The following FOXP2 variants were observed in gnomAD, a reference collection of about 807,000 sequenced individuals.
FOXP2 encodes forkhead box protein P2.
In FOXP2, 12 loss-of-function variants were observed where a neutral mutation model predicts 115.8. The ratio of observed to expected loss-of-function variants is 0.10; its 90% CI spans 0.07 to 0.17. FOXP2 has a LOEUF of 0.17. FOXP2 is among the 10% of genes least tolerant of loss of function. The pLI is 1.00. For synonymous variants in FOXP2, 328 were observed against 297.7 expected (o/e 1.10, Z -1.05); for missense variants, 629 against 843.5 (o/e 0.75, Z 3.15).
chr7:114,184,283 A>G (rs1284754378), intron 1 of FOXP2, among the ~76,000 whole-genome samples: 3 of 152,074 alleles, frequency 2.0e-5, no homozygotes, highest in African/African-American at 4.8e-5. Context: ...TTTCTTTCCT[A>G]TTATAATACT....
At chr7:114,512,847 G>A (rs1165570309) in intron 2 of FOXP2, among the ~76,000 whole-genome samples, 1 of 152,086 alleles carries the variant, frequency 6.6e-6, no homozygotes, top group Non-Finnish European at 1.5e-5. Flanking sequence ...ACTTTGGGAG[G>A]CAGAGGCAGG....
At chr7:114,470,046 T>A (rs1795979958) in intron 2 of FOXP2, among the ~76,000 whole-genome samples, 1 of 152,176 alleles carries the variant, frequency 6.6e-6, no homozygotes, top group African/African-American at 2.4e-5. Context: ...AATTTCAATA[T>A]AATTTTGTAT....
chr7:114,331,256 C>G (rs1797705288), intron 2 of FOXP2, among the ~76,000 whole-genome samples: 1 of 152,076 alleles, frequency 6.6e-6, no homozygotes, highest in Non-Finnish European at 1.5e-5. Context: ...AAATATACTA[C>G]CTGAGCCTGT....
intron 3 of FOXP2, among the ~76,000 whole-genome samples, chr7:114,616,572 A>G (rs1803963722): frequency 6.6e-6 from 1 of 152,152 alleles, no homozygotes; most frequent in South Asian, 2.1e-4. Context: ...AGCACAGTGA[A>G]TTTCAGGGGT....
intron 2 of FOXP2, among the ~76,000 whole-genome samples, chr7:114,309,110 A>G (rs1383097308): frequency 6.6e-6 from 1 of 152,202 alleles, no homozygotes; most frequent in African/African-American, 2.4e-5. Flanking sequence ...AGCAGAGAGC[A>G]GGTTTGTTCA....
intron 1 of FOXP2, chr7:114,088,156 T>C (rs914427890): frequency 3.1e-4 from 46 of 149,450 alleles, no homozygotes; most frequent in African/African-American, 6.9e-4. Flanking sequence ...CTTTTTTTTT[T>C]CCCCACCACA....
chr7:114,581,358 A>G (rs1801860974), intron 3 of FOXP2, among the ~76,000 whole-genome samples: 1 of 151,504 alleles, frequency 6.6e-6, no homozygotes, highest in Non-Finnish European at 1.5e-5. Context: ...TAATTATTGT[A>G]TTTTTTGTAG....
chr7:114,200,310 A>G (rs1487662650), intron 1 of FOXP2, among the ~76,000 whole-genome samples: 1 of 152,172 alleles, frequency 6.6e-6, no homozygotes, highest in East Asian at 1.9e-4. Context: ...ATTCTTTCCA[A>G]TCTTTTTTTT....
chr7:114,462,390 A>G (rs1391364122), intron 2 of FOXP2, among the ~76,000 whole-genome samples: 1 of 73,026 alleles, frequency 1.4e-5, no homozygotes, highest in Non-Finnish European at 2.7e-5. Context: ...TTTTTTTTTT[A>G]AGACAGAGTC....
intron 2 of FOXP2, among the ~76,000 whole-genome samples, chr7:114,354,972 T>A (rs765207862): frequency 6.6e-6 from 1 of 152,202 alleles, no homozygotes; most frequent in Non-Finnish European, 1.5e-5. Flanking sequence ...CTGTTTTCAA[T>A]ACTGAATTCT....
intron 2 of FOXP2, among the ~76,000 whole-genome samples, chr7:114,306,310 C>T (rs1319416309): frequency 6.6e-6 from 1 of 152,110 alleles, no homozygotes; most frequent in Non-Finnish European, 1.5e-5. Context: ...CCAAGTGCTG[C>T]AGGGGTGATA....
chr7:114,507,530 A>G (rs1365844138), intron 2 of FOXP2, among the ~76,000 whole-genome samples: 1 of 151,960 alleles, frequency 6.6e-6, no homozygotes, highest in African/African-American at 2.4e-5. Flanking sequence ...AAATAAACAA[A>G]TTAGGAAATT....
At chr7:114,355,702 T>C (rs189774944) in intron 2 of FOXP2, among the ~76,000 whole-genome samples, 1 of 152,234 alleles carries the variant, frequency 6.6e-6, no homozygotes, top group East Asian at 1.9e-4. Context: ...AAACCTGATT[T>C]TGTGTGTCTG....
chr7:114,609,565 C>G (rs1563031682), intron 3 of FOXP2, among the ~76,000 whole-genome samples: 2 of 152,150 alleles, frequency 1.3e-5, no homozygotes, highest in Non-Finnish European at 2.9e-5. Flanking sequence ...TATAGAATGT[C>G]TTTTCTATGC....
chr7:114,269,948 T>C (rs1158576405), intron 1 of FOXP2, among the ~76,000 whole-genome samples: 3 of 152,210 alleles, frequency 2.0e-5, no homozygotes, highest in African/African-American at 7.2e-5. Flanking sequence ...TTCTTAACTG[T>C]CTTGCTTTAT....
At chr7:114,106,770 G>T (rs946196722) in intron 1 of FOXP2, among the ~76,000 whole-genome samples, 2 of 151,964 alleles carry the variant, frequency 1.3e-5, no homozygotes, top group East Asian at 3.8e-4. Context: ...GTTTATTCAT[G>T]AAGTTCTCTG....
intron 3 of FOXP2, among the ~76,000 whole-genome samples, chr7:114,599,624 G>T (rs982741025): frequency 6.6e-6 from 1 of 151,956 alleles, no homozygotes; most frequent in Non-Finnish European, 1.5e-5. Flanking sequence ...TAATGTTCTT[G>T]TATTTTAATG....
intron 1 of FOXP2, among the ~76,000 whole-genome samples, chr7:114,144,437 C>T (rs1792307780): frequency 1.3e-5 from 2 of 152,126 alleles, no homozygotes; most frequent in South Asian, 4.1e-4. Flanking sequence ...GTTAGTATTA[C>T]ATTGGATGAC....
intron 3 of FOXP2, among the ~76,000 whole-genome samples, chr7:114,559,888 T>TAAAAA (rs56799708): frequency 6.8e-6 from 1 of 147,812 alleles, no homozygotes. Flanking sequence ...GATTCCATCT[T>TAAAAA]AAAAAAAAAA....
Sources: allele counts gnomAD v4.1 joint callset (sites outside exome capture counted in the v4.1 genomes callset), GRCh38; gene constraint gnomAD v4.1.1; transcripts MANE v1.5; gene names NCBI Gene and HGNC (gene_info 2026-07-23, HGNC 2026-07-21).